The following GPR183 variants were observed in gnomAD, a reference collection of about 807,000 sequenced individuals.
The protein encoded by GPR183 is G protein-coupled receptor 183, also known as EBV-induced G-protein coupled receptor 2.
GPR183 carries 9 observed loss-of-function variants against 19.7 expected under a neutral mutation model. The ratio of observed to expected loss-of-function variants is 0.46; its 90% CI spans 0.28 to 0.80. The LOEUF (loss-of-function observed/expected upper bound fraction) is 0.80, where lower values mean the gene tolerates loss of function less well. Among genes scored for constraint, GPR183 ranks in the 30% least tolerant of loss-of-function variants. The pLI is 0.13. For missense variants in GPR183, 368 were observed against 446.7 expected (o/e 0.82, Z 1.59); for synonymous variants, 160 against 155.1 (o/e 1.03, Z -0.24).
chr13:99,302,957 A>G (rs2044278204), intron 1 of GPR183, among the ~76,000 whole-genome samples: 1 of 152,216 alleles, frequency 6.6e-6, no homozygotes, highest in South Asian at 2.1e-4. Flanking sequence ...AGGATTGAGA[A>G]CAATGATATT....
At position 99,304,289 on chromosome 13, in the gene GPR183, T is replaced by A. The variant is rs372232392; in HGVS notation, c.-19+3051A>T. ...GATGTCCTCTGGCCCCTATCCTGTA[T>A]CCTTAGCTCTTACTTTCCTTCAAGC... On this transcript the variant is annotated intron_variant, in intron 1 of 1. Coordinates refer to ENST00000376414, the MANE Select transcript of GPR183 (RefSeq NM_004951.5). Among the ~76,000 whole-genome samples, 7 of 152,300 alleles carry A rather than the reference T, an allele frequency of 4.6e-5. No homozygotes were observed. In the East Asian group the frequency reaches 9.6e-4, roughly 21 times the overall value.
intron 1 of GPR183, among the ~76,000 whole-genome samples, chr13:99,297,124 A>G (rs9517676): frequency 0.14 from 20,898 of 152,148 alleles, 1,678 homozygotes; most frequent in East Asian, 0.32. Context: ...ATTCTTTCCA[A>G]TTCTTTTCTT....
At chr13:99,303,710 A>G (rs118169878) in intron 1 of GPR183, among the ~76,000 whole-genome samples, 3,399 of 152,256 alleles carry the variant, frequency 0.022, 68 homozygotes, top group Non-Finnish European at 0.033. Context: ...TGGAAATAAT[A>G]TGTACCTTTT....
intron 1 of GPR183, among the ~76,000 whole-genome samples, chr13:99,302,360 T>C (rs2044268668): frequency 6.6e-6 from 1 of 152,172 alleles, no homozygotes; most frequent in South Asian, 2.1e-4. Flanking sequence ...TTCAAAGATA[T>C]GGTTCTACTG....
intron 1 of GPR183, among the ~76,000 whole-genome samples, chr13:99,304,428 C>T (rs2044301263): frequency 6.6e-6 from 1 of 152,142 alleles, no homozygotes; most frequent in African/African-American, 2.4e-5. Context: ...TGATTTTCTT[C>T]CCTGTCTCCC....
chr13:99,299,560 C>T (rs1288988198), intron 1 of GPR183, among the ~76,000 whole-genome samples: 2 of 152,004 alleles, frequency 1.3e-5, no homozygotes, highest in Non-Finnish European at 2.9e-5. Flanking sequence ...TAATGCTGAA[C>T]GTTTCTATTC....
rs768225706 is a variant in GPR183, at chr13:99,295,184, C to T, written c.962G>A (p.Arg321Lys). Residue 321 changes from arginine (R) to lysine (K), a missense_variant, in exon 2 of 2, where the codon AGG (arginine) becomes AAG (lysine). By Grantham distance (26) the Arg-to-Lys change is conservative. Transcript: ENST00000376414. The surrounding 1 kb of genome is among the most constrained non-coding windows in gnomAD (Gnocchi z 4.1). ...ACKGYKRKVM[R>K]MLKRQVSVSI... is the part of the protein sequence containing the mutation. ...TACACTGACTTGCCGTTTCAGCATC[C>T]TCATAACCTTTCTCTTATACCCTTT... is the stretch of plus-strand genomic sequence containing the variant. The T allele has an allele frequency of 1.2e-6, 2 of 1,614,140 alleles. No individual in the cohort carries two copies. The highest frequency in any genetic ancestry group is 1.7e-6 in the Non-Finnish European group (2 of 1,180,014).
At chr13:99,298,194 T>A (rs1220366263) in intron 1 of GPR183, among the ~76,000 whole-genome samples, 1 of 152,144 alleles carries the variant, frequency 6.6e-6, no homozygotes, top group Non-Finnish European at 1.5e-5. Flanking sequence ...TCAACATGAT[T>A]TAAAAGCTAA....
chr13:99,298,981 C>T (rs912471548), intron 1 of GPR183, among the ~76,000 whole-genome samples: 16 of 151,898 alleles, frequency 1.1e-4, no homozygotes, highest in African/African-American at 3.6e-4. Context: ...TTGAGTATTT[C>T]TAAGCAGATT....
intron 1 of GPR183, among the ~76,000 whole-genome samples, chr13:99,300,663 G>A (rs2044244772): frequency 1.3e-5 from 2 of 152,196 alleles, no homozygotes; most frequent in African/African-American, 4.8e-5. Context: ...CCATGTGCTA[G>A]ATGCTGGGAA....
chr13:99,296,451 C>T (rs534932690), intron 1 of GPR183, among the ~76,000 whole-genome samples: 4 of 152,298 alleles, frequency 2.6e-5, no homozygotes, highest in East Asian at 1.9e-4. Context: ...ATAGGGCAAA[C>T]GCACTTTTGT....
intron 1 of GPR183, among the ~76,000 whole-genome samples, chr13:99,300,294 G>A (rs1475832268): frequency 6.6e-6 from 1 of 152,230 alleles, no homozygotes; most frequent in Non-Finnish European, 1.5e-5. Context: ...TAAGTGGGAT[G>A]GCTTGGAAAT....
Position 99,295,673 on chromosome 13 carries a change from A to G in GPR183, c.473T>C (p.Leu158Pro). The G allele has an allele frequency of 1.2e-6, 2 of 1,614,194 alleles. No homozygotes were observed. Among genetic ancestry groups the G allele is most frequent in the Non-Finnish European group, 1.7e-6 (2 of 1,180,042 alleles). The part of the protein sequence containing the change: ...AKGVCIFVWI[L>P]VFAQTLPLLI... Reference sequence around the variant, plus strand: ...GAGTGGGAGTGTCTGAGCAAATACTAGAATCCAGACAAATATGCACACGCC... The same window carrying G: ...GAGTGGGAGTGTCTGAGCAAATACTGGAATCCAGACAAATATGCACACGCC... Residue 158 changes from leucine to proline, a missense_variant, in exon 2 of 2, where the codon CTA (leucine) becomes CCA (proline). Coordinates refer to ENST00000376414, the MANE Select transcript of GPR183 (RefSeq NM_004951.5). The surrounding 1 kb of genome is among the most constrained non-coding windows in gnomAD (Gnocchi z 4.1).
At chr13:99,302,919 T>C (rs1415246043) in intron 1 of GPR183, among the ~76,000 whole-genome samples, 1 of 152,202 alleles carries the variant, frequency 6.6e-6, no homozygotes, top group Non-Finnish European at 1.5e-5. Flanking sequence ...TTGATAGCTA[T>C]GTTTATGTCC....
intron 1 of GPR183, among the ~76,000 whole-genome samples, chr13:99,304,063 T>A (rs2138739371): frequency 6.6e-6 from 1 of 152,214 alleles, no homozygotes; most frequent in Admixed American, 6.5e-5. Context: ...ACGGGGCCCA[T>A]CCAACCCCAG....
rs569299105 is a variant in GPR183, at chr13:99,295,761, G to A, written c.385C>T (p.Arg129Cys). 3.7e-6 allele frequency: 6 copies of A among 1,613,996 alleles called. No homozygotes were observed. Among genetic ancestry groups the A allele is most frequent in the Non-Finnish European group, 4.2e-6 (5 of 1,179,978 alleles). Residue 129 changes from arginine (R) to cysteine (C), a missense_variant, in exon 2 of 2, where the codon CGC becomes TGC. Physicochemically the swap from Arg to Cys is radical, Grantham distance 180. Coordinates refer to ENST00000376414, the MANE Select transcript of GPR183 (RefSeq NM_004951.5). The surrounding 1 kb of genome is among the most constrained non-coding windows in gnomAD (Gnocchi z 4.1). The stretch of plus-strand genomic sequence containing the variant: ...AGAGGGTGCACCACAGCAATGAAGC[G>A]GTCAATACTCAGGCAGGTCATAAAG... ...VNFMTCLSID[R>C]FIAVVHPLRY...
At position 99,294,743 on chromosome 13, in the gene GPR183, T is replaced by C; in HGVS notation, c.*317A>G. ...AATCTATTCAGTCCTTTCTAGCCAT[T>C]TGTTGGCAAGAAATAATAATTAAAT... On this transcript the variant is annotated 3_prime_UTR_variant, in exon 2 of 2. Transcript: ENST00000376414. 1 of 205,004 alleles carries C rather than the reference T, an allele frequency of 4.9e-6. No homozygotes were observed. The highest frequency in any genetic ancestry group is 9.8e-5 in the South Asian group (1 of 10,228). 12.7% of individuals were successfully genotyped at this position (205,004 alleles called of 1,614,324 possible). A position where few individuals can be genotyped will look rare whatever the true frequency, so the allele number is the denominator to read the frequency against.
chr13:99,297,207 G>A (rs1482837204), intron 1 of GPR183, among the ~76,000 whole-genome samples: 2 of 152,130 alleles, frequency 1.3e-5, no homozygotes, highest in African/African-American at 4.8e-5. Context: ...ATAAAGTTCT[G>A]TAGATGAGGG....
rs371163027 is a variant in GPR183 at position 99,302,960 on chromosome 13, A to T, written c.-19+4380T>A. 1.4e-3 allele frequency among the ~76,000 whole-genome samples: 211 copies of T among 152,314 alleles called. 2 individuals carry two copies. Among genetic ancestry groups the T allele is most frequent in the African/African-American group, 5.0e-3 (206 of 41,568 alleles). On this transcript the variant is annotated intron_variant, in intron 1 of 1. Transcript: ENST00000376414. ...TCATTTTTTAGAAGGATTGAGAACA[A>T]TGATATTCAGCATAGAGTTGACTGT...
Sources: gnomAD v4.1 joint callset for allele counts (sites outside exome capture counted in the v4.1 genomes callset) on GRCh38, gnomAD v4.1.1 for gene constraint, Gnocchi (gnomAD v3.1) non-coding constraint, MANE v1.5 for transcripts, NCBI Gene and HGNC (gene_info 2026-07-23, HGNC 2026-07-21) for gene names.